Variants in SDC3 observed in about 807,000 individuals in gnomAD.
SDC3 encodes the protein syndecan 3.
SDC3 carries 13 observed loss-of-function variants against 24.4 expected under a neutral mutation model. The observed-to-expected ratio is 0.53, with a 90% CI of 0.35 to 0.85. The LOEUF (loss-of-function observed/expected upper bound fraction) is 0.85, where lower values mean the gene tolerates loss of function less well. Among genes scored for constraint, SDC3 ranks in the 40% least tolerant of loss-of-function variants. SDC3 has a pLI of 0.01. For synonymous variants in SDC3, 295 were observed against 260.9 expected (o/e 1.13, Z -1.26); for missense variants, 571 against 584.5 (o/e 0.98, Z 0.24).
chr1:30,872,843 G>GGTCGCCGTATCATTAAAA lies in SDC3; in HGVS notation c.*367_*368insTTTTAATGATACGGCGAC. The GGTCGCCGTATCATTAAAA allele has an allele frequency of 4.5e-5, 11 of 246,664 alleles. No individual in the cohort carries two copies. The highest frequency in any genetic ancestry group is 1.7e-4 in the South Asian group (2 of 11,822). 15.3% of individuals were successfully genotyped at this position (246,664 alleles called of 1,614,324 possible). A position where few individuals can be genotyped will look rare whatever the true frequency, so the allele number is the denominator to read the frequency against. On this transcript the variant is annotated 3_prime_UTR_variant, in exon 5 of 5. Transcript: ENST00000339394. ...TCTGCCCCAAAAAGGAGATCTCAGT[G>GGTCGCCGTATCATTAAAA]AGCACTGTGGGTGCCAAGTCAGGGC...
rs1639693160 is a variant in SDC3 at position 30,878,806 on chromosome 1, G to A, written c.139-66C>T. Reference sequence around the variant, plus strand: ...ACTGGCAGCCTGGGTGAGCCCAGAAGGGCGACAGGTGCCCTTGTGGGCTGA... The same window carrying A: ...ACTGGCAGCCTGGGTGAGCCCAGAAAGGCGACAGGTGCCCTTGTGGGCTGA... On this transcript the variant is annotated intron_variant, in intron 1 of 4. Coordinates refer to ENST00000339394, the MANE Select transcript of SDC3 (RefSeq NM_014654.4). 6.0e-6 allele frequency: 8 copies of A among 1,337,632 alleles called. No individual in the cohort carries two copies. The Admixed American group carries it at 1.4e-4, about 23-fold the overall frequency. 82.9% of individuals were successfully genotyped at this position (1,337,632 alleles called of 1,614,324 possible). A position where few individuals can be genotyped will look rare whatever the true frequency, so the allele number is the denominator to read the frequency against.
chr1:30,881,484 A>G (rs1352003874), intron 1 of SDC3: 1 of 152,548 alleles, frequency 6.6e-6, no homozygotes, highest in African/African-American at 2.4e-5. Flanking sequence ...CAACTCGGAT[A>G]CAACCTTTCC....
In SDC3 at chr1:30,876,698, C is replaced by T. The variant is rs753779113; in HGVS notation, c.724G>A (p.Glu242Lys). The T allele has an allele frequency of 2.3e-5, 37 of 1,602,282 alleles. 1 individual carries two copies. The highest frequency in any genetic ancestry group is 1.8e-4 in the South Asian group (16 of 89,826). Residue 242 changes from glutamate to lysine, a missense_variant, in exon 3 of 5, where the codon GAG (glutamate) becomes AAG (lysine). Physicochemically the swap from Glu to Lys is moderately conservative, Grantham distance 56. This residue lies in a region of SDC3 where 497 missense variants were observed against 471.6 expected (regional missense o/e 1.05). Transcript: ENST00000339394. ...CTGACCAGCCTGGGTGTTGGGGCCTCGGTGTCCAAGACAGCCGCCGTGGTG... is the reference window on the plus strand; with the variant it reads ...CTGACCAGCCTGGGTGTTGGGGCCTTGGTGTCCAAGACAGCCGCCGTGGTG... The part of the protein sequence containing the change: ...PPTTAAVLDT[E>K]APTPRLVSTA...
At chr1:30,905,250 C>T (rs896002156) in intron 1 of SDC3, among the ~76,000 whole-genome samples, 7 of 151,910 alleles carry the variant, frequency 4.6e-5, no homozygotes, top group Non-Finnish European at 7.4e-5. Flanking sequence ...GAGGAAGGAA[C>T]GGAAACCACC....
Position 30,873,309 on chromosome 1 carries a change from T to A in SDC3, c.1231A>T (p.Met411Leu). ...AFLVTLLIYR[M>L]KKKDEGSYTL... is the part of the protein sequence containing the mutation. ...TAGCTGCCCTCATCCTTTTTCTTCA[T>A]ACGATAGATGAGCAGTGTGACCAAG... Residue 411 changes from methionine to leucine, a missense_variant, in exon 5 of 5, where the codon ATG becomes TTG. This residue lies in a region of SDC3 where 74 missense variants were observed against 112.9 expected (regional missense o/e 0.66). Transcript: ENST00000339394. 1 of 1,612,722 alleles carries A rather than the reference T, an allele frequency of 6.2e-7. No homozygotes were observed. The highest frequency in any genetic ancestry group is 2.2e-5 in the East Asian group (1 of 44,868).
At chr1:30,896,262 T>C (rs1009285271) in intron 1 of SDC3, among the ~76,000 whole-genome samples, 2 of 151,790 alleles carry the variant, frequency 1.3e-5, no homozygotes, top group African/African-American at 4.8e-5. Context: ...TGTGTGAGGG[T>C]TGGAGGGGAG....
At chr1:30,891,102 C>A in intron 1 of SDC3, among the ~76,000 whole-genome samples, 1 of 152,220 alleles carries the variant, frequency 6.6e-6, no homozygotes, top group Non-Finnish European at 1.5e-5. Flanking sequence ...CCCCACCCCA[C>A]CCTTTGACCA....
intron 1 of SDC3, among the ~76,000 whole-genome samples, chr1:30,895,243 G>A (rs546098356): frequency 6.6e-6 from 1 of 152,212 alleles, no homozygotes; most frequent in African/African-American, 2.4e-5. Context: ...GCAGGTACAC[G>A]CAAACCCCTA....
At chr1:30,874,692 G>A in intron 3 of SDC3, 104 bp from the exon 4 acceptor site, 1 of 1,030,024 alleles carries the variant, frequency 9.7e-7, no homozygotes, top group South Asian at 1.5e-5. Flanking sequence ...CTCCCTACAT[G>A]CCAGGCACTG....
chr1:30,887,264 C>T (rs1017556427), intron 1 of SDC3, among the ~76,000 whole-genome samples: 2 of 151,954 alleles, frequency 1.3e-5, no homozygotes, highest in Non-Finnish European at 1.5e-5. Context: ...GCAAACACGG[C>T]AAGGGTTGCC....
In SDC3 at chr1:30,877,685, C is replaced by CCGG. The variant is rs1302970015; in HGVS notation, c.257-523_257-521dup. On this transcript the variant is annotated intron_variant, in intron 2 of 4. Coordinates refer to ENST00000339394, the MANE Select transcript of SDC3 (RefSeq NM_014654.4). ...CTTGAGCAATCTGGCTGACGCAAAG[C>CCGG]CGGGACAGTGAAGGAACTTGGGAGG... 5 of 166,416 alleles carry CCGG rather than the reference C, an allele frequency of 3.0e-5. No homozygotes were observed. The East Asian group carries it at 7.1e-4, about 24-fold the overall frequency. 10.3% of individuals were successfully genotyped at this position (166,416 alleles called of 1,614,324 possible). A position where few individuals can be genotyped will look rare whatever the true frequency, so the allele number is the denominator to read the frequency against.
At chr1:30,882,493 G>A (rs1022411152) in intron 1 of SDC3, among the ~76,000 whole-genome samples, 3 of 152,158 alleles carry the variant, frequency 2.0e-5, no homozygotes, top group Non-Finnish European at 4.4e-5. Flanking sequence ...GCAGCAGCTG[G>A]GGAGGCTCCC....
In SDC3 at chr1:30,872,866, G is replaced by T; in HGVS notation, c.*345C>A. 3.4e-6 allele frequency: 1 copy of T among 295,428 alleles called. No individual in the cohort carries two copies. Among genetic ancestry groups the T allele is most frequent in the Non-Finnish European group, 6.3e-6 (1 of 157,616 alleles). The allele number at this position is 295,428 out of a possible 1,614,324, so 18.3% of individuals were successfully genotyped here. A position where few individuals can be genotyped will look rare whatever the true frequency, so the allele number is the denominator to read the frequency against. ...GTGAGCACTGTGGGTGCCAAGTCAGGGCTCAGGCTCATCTCAAGCCCCACC... is the reference window on the plus strand; with the variant it reads ...GTGAGCACTGTGGGTGCCAAGTCAGTGCTCAGGCTCATCTCAAGCCCCACC... On this transcript the variant is annotated 3_prime_UTR_variant, in exon 5 of 5. Coordinates refer to ENST00000339394, the MANE Select transcript of SDC3 (RefSeq NM_014654.4).
Position 30,908,600 on chromosome 1 carries a change from G to T in SDC3, c.-14C>A. The T allele has an allele frequency of 1.0e-6, 1 of 967,160 alleles. No individual in the cohort carries two copies. Among genetic ancestry groups the T allele is most frequent in the Non-Finnish European group, 1.2e-6 (1 of 818,802 alleles). The allele number at this position is 967,160 out of a possible 1,614,324, so 59.9% of individuals were successfully genotyped here. A position where few individuals can be genotyped will look rare whatever the true frequency, so the allele number is the denominator to read the frequency against. The stretch of plus-strand genomic sequence containing the variant: ...CCCCGGCTTCATGGCGGCGGCGCGG[G>T]CGCGGGCGGCGGGCGGCGGGCGGGC... On this transcript the variant is annotated 5_prime_UTR_variant, in exon 1 of 5. Coordinates refer to ENST00000339394, the MANE Select transcript of SDC3 (RefSeq NM_014654.4).
chr1:30,891,987 G>T (rs932139851), intron 1 of SDC3, among the ~76,000 whole-genome samples: 1 of 151,992 alleles, frequency 6.6e-6, no homozygotes, highest in African/African-American at 2.4e-5. Context: ...CAGCAATGGG[G>T]TGCAGGGAGC....
At chr1:30,900,492 C>A (rs1638391656) in intron 1 of SDC3, among the ~76,000 whole-genome samples, 1 of 152,056 alleles carries the variant, frequency 6.6e-6, no homozygotes, top group Admixed American at 6.5e-5. Flanking sequence ...CTGACACAGG[C>A]ACCTATACCC....
chr1:30,887,665 C>T (rs759103039), intron 1 of SDC3, among the ~76,000 whole-genome samples: 21 of 152,358 alleles, frequency 1.4e-4, no homozygotes, highest in Non-Finnish European at 2.6e-4. Flanking sequence ...CTGTCTCCCC[C>T]TCCAATTGCT....
At chr1:30,881,991 C>G (rs955761543) in intron 1 of SDC3, among the ~76,000 whole-genome samples, 1 of 152,168 alleles carries the variant, frequency 6.6e-6, no homozygotes, top group Non-Finnish European at 1.5e-5. Context: ...AACATCCACA[C>G]CCACGCGCCA....
At chr1:30,902,687 A>T (rs1264018868) in intron 1 of SDC3, among the ~76,000 whole-genome samples, 1 of 152,172 alleles carries the variant, frequency 6.6e-6, no homozygotes, top group South Asian at 2.1e-4. Flanking sequence ...AAGGGCTCCA[A>T]GCAGCTGGGC....
Sources: allele counts gnomAD v4.1 joint callset (sites outside exome capture counted in the v4.1 genomes callset), GRCh38; gene constraint gnomAD v4.1.1; regional missense constraint gnomAD v4.1.1; transcripts MANE v1.5; gene names NCBI Gene and HGNC (gene_info 2026-07-23, HGNC 2026-07-21).